ECT2: variants seen among roughly 807,000 people sequenced by gnomAD.
ECT2 encodes epithelial cell transforming 2.
A neutral mutation model predicts 116.9 loss-of-function variants in ECT2; 61 were observed. The ratio of observed to expected loss-of-function variants is 0.52; its 90% confidence interval spans 0.42 to 0.65. The LOEUF is 0.65. Among genes scored for constraint, ECT2 ranks in the 30% least tolerant of loss-of-function variants. The pLI, the probability that ECT2 is intolerant of heterozygous loss-of-function variation, is 0.00. For missense variants in ECT2, 937 were observed against 1,078.7 expected, an observed-to-expected ratio of 0.87 and a Z score of 1.84; for synonymous variants, 358 against 346.4, an observed-to-expected ratio of 1.03 and a Z score of -0.37.
intron 18 of ECT2, 76 bp from the exon 19 acceptor site, chr3:172,802,540 C>G (rs1010844922): frequency 1.8e-5 from 16 of 900,974 alleles, no homozygotes; most frequent in Non-Finnish European, 2.4e-5. Context: ...ACATCAAACA[C>G]AACTTGTGAC....
chr3:172,750,905 C>T (rs1015733183), intron 1 of ECT2, 48 bp downstream of exon 1: 2 of 152,728 alleles, frequency 1.3e-5, no homozygotes, highest in African/African-American at 4.8e-5. Context: ...CGAGCGGCTC[C>T]AGAGCCAAGG....
chr3:172,794,643 C>A (rs189390944), intron 18 of ECT2, among the ~76,000 whole-genome samples: 11 of 152,190 alleles, frequency 7.2e-5, no homozygotes, highest in East Asian at 1.9e-4. Context: ...ACAACAACAA[C>A]AAAACTGTGG....
At chr3:172,806,286 G>A (rs1012233016) in intron 21 of ECT2, among the ~76,000 whole-genome samples, 1 of 152,120 alleles carries the variant, frequency 6.6e-6, no homozygotes, top group Non-Finnish European at 1.5e-5. Context: ...CTATGTTTAA[G>A]GTACGGGTCA....
At chr3:172,822,704 A>C (rs775049505), downstream of ECT2, among the ~76,000 whole-genome samples, 55 of 152,162 alleles carry the variant, frequency 3.6e-4, no homozygotes, top group Non-Finnish European at 6.3e-4. Context: ...AATAATAGAC[A>C]TGACTTTTTA....
intron 5 of ECT2, 21 bp downstream of exon 5, chr3:172,757,186 T>A: frequency 2.1e-6 from 3 of 1,410,290 alleles, no homozygotes; most frequent in East Asian, 2.7e-5. Context: ...ACATTTATTA[T>A]GACTTTTCAA....
intron 21 of ECT2, 73 bp from the exon 22 acceptor site, chr3:172,807,697 G>C: frequency 6.0e-6 from 9 of 1,494,696 alleles, no homozygotes; most frequent in Non-Finnish European, 8.1e-6. Flanking sequence ...TGCTCTGAGG[G>C]AACTAAACTT....
chr3:172,773,245 T>C (rs963766464), intron 13 of ECT2, among the ~76,000 whole-genome samples: 14 of 152,124 alleles, frequency 9.2e-5, no homozygotes, highest in Non-Finnish European at 2.1e-4. Flanking sequence ...GAACATATAT[T>C]TATACTTAAG....
intron 22 of ECT2, among the ~76,000 whole-genome samples, chr3:172,808,366 G>A (rs1305246772): frequency 6.8e-6 from 1 of 148,098 alleles, no homozygotes; most frequent in Non-Finnish European, 1.5e-5. Context: ...GTGAGCCACC[G>A]TGCCTGGCCA....
At position 172,759,080 on chromosome 3, in the gene ECT2, C is replaced by T. The variant is rs369266314; in HGVS notation, c.576+11C>T. On this transcript the variant is annotated intron_variant, in intron 6 of 24. Transcript: ENST00000392692. ...AAAAAAGAAGAACTAGTAAGTATTA[C>T]GAAACAAATTCAAAGCGTATTTTTT... The T allele has an allele frequency of 1.0e-4, 160 of 1,535,830 alleles. No homozygotes were observed. Among genetic ancestry groups the T allele is most frequent in the East Asian group, 4.8e-4 (21 of 43,796 alleles).
rs763115622 is a variant in ECT2, at chr3:172,754,565, G to A, written c.35G>A (p.Gly12Glu). The change falls in exon 2 of 25, where the codon GGG becomes GAG. Residue 12 changes from glycine to glutamate, a missense_variant. Gly to Glu is a moderately conservative substitution (Grantham distance 98). Transcript: ENST00000392692. ...AATAGTGTATTAACATCCACTACTGGGAGGACTAGCTTGGCAGACTCTTCC... is the reference window on the plus strand; with the variant it reads ...AATAGTGTATTAACATCCACTACTGAGAGGACTAGCTTGGCAGACTCTTCC... ...AENSVLTSTT[G>E]RTSLADSSIF... The A allele has an allele frequency of 1.2e-6, 2 of 1,610,908 alleles. No homozygotes were observed. The highest frequency in any genetic ancestry group is 8.5e-7 in the Non-Finnish European group (1 of 1,178,574).
chr3:172,756,243 C>T (rs1426513489), intron 4 of ECT2, among the ~76,000 whole-genome samples: 1 of 152,154 alleles, frequency 6.6e-6, no homozygotes, highest in African/African-American at 2.4e-5. Flanking sequence ...GCACATCACA[C>T]TAGCCTTGCA....
At chr3:172,782,277 C>T in intron 15 of ECT2, 46 bp downstream of exon 15, 1 of 1,198,344 alleles carries the variant, frequency 8.3e-7, no homozygotes, top group South Asian at 1.4e-5. Context: ...AAAATATGAT[C>T]TCATCAAGGA....
chr3:172,774,124 A>G (rs1721207859), intron 14 of ECT2, 102 bp downstream of exon 14: 1 of 1,072,838 alleles, frequency 9.3e-7, no homozygotes. Context: ...TTTTGTACCT[A>G]AAACTTCTTA....
chr3:172,780,285 T>G (rs1213481917), intron 14 of ECT2, among the ~76,000 whole-genome samples: 2 of 152,256 alleles, frequency 1.3e-5, no homozygotes, highest in East Asian at 1.9e-4. Context: ...TTAGAAGTTC[T>G]TTTTTTCTGG....
intron 12 of ECT2, 123 bp downstream of exon 12, chr3:172,764,623 C>A: frequency 1.1e-6 from 1 of 880,292 alleles, no homozygotes; most frequent in Non-Finnish European, 1.7e-6. Context: ...TTTGTTCTAG[C>A]TGTAGAGAAA....
At chr3:172,805,710 T>A (rs890801472) in intron 20 of ECT2, 21 bp from the exon 21 acceptor site, 8 of 1,609,186 alleles carry the variant, frequency 5.0e-6, no homozygotes, top group Admixed American at 1.7e-5. Flanking sequence ...TGACTGATAC[T>A]TTTTTATTTT....
chr3:172,809,713 T>C (rs977560066), intron 22 of ECT2, among the ~76,000 whole-genome samples: 1 of 152,162 alleles, frequency 6.6e-6, no homozygotes, highest in African/African-American at 2.4e-5. Context: ...CTAAGTAACC[T>C]GAGCTTTCTT....
intron 22 of ECT2, among the ~76,000 whole-genome samples, chr3:172,813,134 TAGTA>T (rs1729071589): frequency 6.6e-6 from 1 of 152,124 alleles, no homozygotes; most frequent in Non-Finnish European, 1.5e-5. Flanking sequence ...TAACAGAGCT[TAGTA>T]AGGCAGCCAA....
At position 172,780,522 on chromosome 3, in the gene ECT2, G is replaced by C. The variant is rs574722437; in HGVS notation, c.1549-1641G>C. 8.5e-5 allele frequency among the ~76,000 whole-genome samples: 13 copies of C among 152,204 alleles called. No homozygotes were observed. In the South Asian group the frequency reaches 2.5e-3, roughly 29 times the overall value. ...ATTTAAAAATTTTAAGAAAATGCCA[G>C]GGTTTTCCCATTATTTTAAAGTTAA... On this transcript the variant is annotated intron_variant, in intron 14 of 24. Transcript: ENST00000392692.
Sources: gnomAD v4.1 joint callset for allele counts (sites outside exome capture counted in the v4.1 genomes callset) on GRCh38, gnomAD v4.1.1 for gene constraint, MANE v1.5 for transcripts, NCBI Gene and HGNC (gene_info 2026-07-23, HGNC 2026-07-21) for gene names.